The following PCDHGA4 variants were observed in gnomAD, a reference collection of about 807,000 sequenced individuals.
PCDHGA4 encodes protocadherin gamma subfamily A, 4, also known as protocadherin gamma-A4.
A neutral mutation model predicts 54.6 loss-of-function variants in PCDHGA4; 38 were observed. The observed-to-expected ratio is 0.70, with a 90% CI of 0.54 to 0.91. The LOEUF (loss-of-function observed/expected upper bound fraction) is 0.91, where lower values mean the gene tolerates loss of function less well. Ranked by LOEUF, PCDHGA4 falls within the 40% of genes least tolerant of loss-of-function variation. The pLI is 0.00. For synonymous variants in PCDHGA4, 511 were observed against 512.9 expected, an observed-to-expected ratio of 1.00 and a Z score of 0.05; for missense variants, 1,298 against 1,220.9, an observed-to-expected ratio of 1.06 and a Z score of -0.94.
chr5:141,392,774 C>G (rs752798314), intron 1 of PCDHGA4: 1 of 1,520,452 alleles, frequency 6.6e-7, no homozygotes, highest in East Asian at 2.3e-5. Context: ...CCCATTTATG[C>G]ACAGTGAAGA....
chr5:141,432,650 G>T lies in PCDHGA4; in HGVS notation c.2515-62157G>T. 6.2e-7 allele frequency: 1 copy of T among 1,613,868 alleles called. No individual in the cohort carries two copies. The highest frequency in any genetic ancestry group is 1.1e-5 in the South Asian group (1 of 91,064). On this transcript the variant is annotated intron_variant, in intron 1 of 3. Transcript: ENST00000571252. The surrounding 1 kb of genome is among the most constrained non-coding windows in gnomAD (Gnocchi z 6.0). The stretch of plus-strand genomic sequence containing the variant: ...CACGGGCGAGGTGCGCACGGCGCGA[G>T]CCCTGCTGGACAGAGACGCGCTCAA...
Position 141,378,772 on chromosome 5 carries a change from A to G in PCDHGA4, c.2514+21151A>G, listed in dbSNP as rs1588863408. 6 of 152,352 alleles carry G rather than the reference A, an allele frequency of 3.9e-5. No individual in the cohort carries two copies. The South Asian group carries it at 1.2e-3, about 32-fold the overall frequency. 9.4% of individuals were successfully genotyped at this position (152,352 alleles called of 1,614,324 possible). A position where few individuals can be genotyped will look rare whatever the true frequency, so the allele number is the denominator to read the frequency against. ...AAAGGGATTATCATTTAGAAGACTG[A>G]TTAGTCTTATTTATTATGACTGAAA... On this transcript the variant is annotated intron_variant, in intron 1 of 3. Transcript: ENST00000571252.
chr5:141,505,513 G>A lies in PCDHGA4; in HGVS notation c.2662+32G>A, dbSNP rs1157816684. ...GGTGTCAGTGTGTGTATGGAAGAGT[G>A]GGAGACCTGGGGTTCTGGGGTGCAT... On this transcript the variant is annotated intron_variant, in intron 3 of 3. Coordinates refer to ENST00000571252, the MANE Select transcript of PCDHGA4 (RefSeq NM_018917.4). The A allele has an allele frequency of 3.1e-6, 5 of 1,613,710 alleles. No homozygotes were observed. In the South Asian group the frequency reaches 3.3e-5, roughly 11 times the overall value.
In PCDHGA4 at chr5:141,409,837, C is replaced by G. The variant is rs182654621; in HGVS notation, c.2514+52216C>G. 823 of 1,611,470 alleles carry G rather than the reference C, an allele frequency of 5.1e-4. 5 individuals carry two copies. The East Asian group carries it at 9.5e-3, about 19-fold the overall frequency. On this transcript the variant is annotated intron_variant, in intron 1 of 3. Coordinates refer to ENST00000571252, the MANE Select transcript of PCDHGA4 (RefSeq NM_018917.4). ...ACGGCTCGCCCACGCTCAGCGCCAACGTGAGCCTGCGCGTGTTGGTGGGAG... is the reference window on the plus strand; with the variant it reads ...ACGGCTCGCCCACGCTCAGCGCCAAGGTGAGCCTGCGCGTGTTGGTGGGAG...
At chr5:141,427,146 AAT>A (rs1561826638) in intron 1 of PCDHGA4, 1 of 456,990 alleles carries the variant, frequency 2.2e-6, no homozygotes, top group Non-Finnish European at 4.4e-6. Context: ...TGATATTGGA[AAT>A]ATGTTTGTGC....
intron 1 of PCDHGA4, among the ~76,000 whole-genome samples, chr5:141,447,047 T>C (rs529082157): frequency 1.3e-5 from 2 of 152,342 alleles, no homozygotes; most frequent in African/African-American, 4.8e-5. Flanking sequence ...TCTGGAATTC[T>C]ATTAAAATGT....
chr5:141,421,916 G>T (rs754653877), intron 1 of PCDHGA4: 1 of 1,613,528 alleles, frequency 6.2e-7, no homozygotes. Flanking sequence ...GTTCCCATTC[G>T]TGTGGTGGTC....
chr5:141,466,121 C>CA (rs908379481), intron 1 of PCDHGA4, among the ~76,000 whole-genome samples: 24 of 146,876 alleles, frequency 1.6e-4, no homozygotes, highest in East Asian at 8.0e-4. Context: ...GACTCCAGCT[C>CA]AAAAAAAAAA....
In PCDHGA4 at chr5:141,355,783, G is replaced by A. The variant is rs1177303699; in HGVS notation, c.676G>A (p.Val226Met). Residue 226 changes from valine to methionine, a missense_variant, in exon 1 of 4, where the codon GTG (valine) becomes ATG (methionine). Transcript: ENST00000571252. ...CGATGGGATTAAGTACCCAGAGCTG[G>A]TGCTGGAACGCGCTCTAGATCGCGA... ...GADGIKYPELVLERALDREEE... is the reference protein window; with the variant it reads ...GADGIKYPELMLERALDREEE... 1.2e-6 allele frequency: 2 copies of A among 1,613,802 alleles called. No homozygotes were observed. Among genetic ancestry groups the A allele is most frequent in the Non-Finnish European group, 1.7e-6 (2 of 1,179,806 alleles).
chr5:141,431,420 G>A lies in PCDHGA4; in HGVS notation c.2515-63387G>A, dbSNP rs780266425. ...TACGGCCTCCGACGGGGGCGACCCG[G>A]TGCGCACAGGCACCGCGCGCATCCG... On this transcript the variant is annotated intron_variant, in intron 1 of 3. Coordinates refer to ENST00000571252, the MANE Select transcript of PCDHGA4 (RefSeq NM_018917.4). The surrounding 1 kb of genome is among the most constrained non-coding windows in gnomAD (Gnocchi z 4.8). 5 of 1,613,592 alleles carry A rather than the reference G, an allele frequency of 3.1e-6. No homozygotes were observed. The highest frequency in any genetic ancestry group is 3.4e-6 in the Non-Finnish European group (4 of 1,180,050).
chr5:141,365,097 C>T (rs1763734709), intron 1 of PCDHGA4: 6 of 1,613,888 alleles, frequency 3.7e-6, no homozygotes, highest in East Asian at 2.2e-5. Flanking sequence ...GAGAACATAC[C>T]TGTGGGCACT....
At chr5:141,362,958 G>GA (rs1467174022) in intron 1 of PCDHGA4, among the ~76,000 whole-genome samples, 3 of 152,188 alleles carry the variant, frequency 2.0e-5, no homozygotes, top group Admixed American at 6.5e-5. Context: ...TGGAAATTGG[G>GA]AAACAAAGAA....
At chr5:141,395,727 T>G (rs895493332) in intron 1 of PCDHGA4, 1 of 153,998 alleles carries the variant, frequency 6.5e-6, no homozygotes, top group Non-Finnish European at 1.4e-5. Flanking sequence ...TGTAGATTTC[T>G]TCACTTTAAA....
chr5:141,426,829 A>G, intron 1 of PCDHGA4: 2 of 456,716 alleles, frequency 4.4e-6, no homozygotes, highest in South Asian at 3.1e-5. Context: ...CTGATGATGG[A>G]CAAGACTAAA....
intron 1 of PCDHGA4, chr5:141,379,352 A>G (rs1189647778): frequency 1.3e-5 from 2 of 152,198 alleles, no homozygotes; most frequent in Non-Finnish European, 2.9e-5. Flanking sequence ...ATTTTCTTGT[A>G]TCTTTGTGAT....
At chr5:141,459,245 C>G (rs1040972875) in intron 1 of PCDHGA4, among the ~76,000 whole-genome samples, 1 of 152,180 alleles carries the variant, frequency 6.6e-6, no homozygotes, top group African/African-American at 2.4e-5. Context: ...TGCTTCCTGT[C>G]ACTATAAATT....
chr5:141,505,249 G>T, intron 2 of PCDHGA4, 144 bp from the exon 3 acceptor site: 1 of 1,447,748 alleles, frequency 6.9e-7, no homozygotes, highest in Non-Finnish European at 9.2e-7. Flanking sequence ...GATTGTAGAA[G>T]TGCCTCCTAC....
At chr5:141,504,511 CTCTGATAT>C (rs2099838890) in intron 2 of PCDHGA4, among the ~76,000 whole-genome samples, 1 of 151,902 alleles carries the variant, frequency 6.6e-6, no homozygotes, top group Non-Finnish European at 1.5e-5. Flanking sequence ...AGTGGATCTC[CTCTGATAT>C]ATTTTATTCG....
intron 1 of PCDHGA4, chr5:141,392,672 T>C (rs1375291090): frequency 4.5e-6 from 4 of 880,364 alleles, no homozygotes; most frequent in Non-Finnish European, 6.7e-6. Flanking sequence ...AACTAACTGC[T>C]GGACTGCAGC....
Sources: allele counts gnomAD v4.1 joint callset (sites outside exome capture counted in the v4.1 genomes callset), GRCh38; gene constraint gnomAD v4.1.1; non-coding constraint Gnocchi (gnomAD v3.1); transcripts MANE v1.5; gene names NCBI Gene and HGNC (gene_info 2026-07-23, HGNC 2026-07-21).